Variants in PTPRN2 observed in about 807,000 individuals in gnomAD.
The protein encoded by PTPRN2 is receptor-type tyrosine-protein phosphatase N2.
In PTPRN2, 74 loss-of-function variants were observed where a neutral mutation model predicts 118.8. That is an observed-to-expected ratio of 0.62 (90% CI 0.52 to 0.76). The LOEUF (loss-of-function observed/expected upper bound fraction) is 0.76, where lower values mean the gene tolerates loss of function less well. Ranked by LOEUF, PTPRN2 falls within the 30% of genes least tolerant of loss-of-function variation. The pLI is 0.00. For missense variants in PTPRN2, 1,481 were observed against 1,394.4 expected, an observed-to-expected ratio of 1.06 and a Z score of -0.99; for synonymous variants, 641 against 608.0, an observed-to-expected ratio of 1.05 and a Z score of -0.80.
chr7:157,745,705 C>T (rs67544546), intron 12 of PTPRN2, among the ~76,000 whole-genome samples: 6,361 of 152,222 alleles, frequency 0.042, 180 homozygotes, highest in Non-Finnish European at 0.048. Flanking sequence ...GCTCCAGAAC[C>T]GTGTGGATAA....
chr7:158,522,239 A>C lies in PTPRN2; in HGVS notation c.113-32454T>G, dbSNP rs796068346. Among the ~76,000 whole-genome samples the C allele has an allele frequency of 2.6e-4, 15 of 58,434 alleles. No individual in the cohort carries two copies. In the East Asian group the frequency reaches 3.8e-3, roughly 15 times the overall value. 38.3% of individuals were successfully genotyped at this position (58,434 alleles called of 152,430 possible). A position where few individuals can be genotyped will look rare whatever the true frequency, so the allele number is the denominator to read the frequency against. On this transcript the variant is annotated intron_variant, in intron 1 of 22. Coordinates refer to ENST00000389418, the MANE Select transcript of PTPRN2 (RefSeq NM_002847.5). ...CTGTCCAGGTAGTGGCTCAGGAGGG[A>C]GGTCCACGTCACAATGGTGGACTGT...
chr7:158,439,682 C>T (rs1816841681), intron 2 of PTPRN2, among the ~76,000 whole-genome samples: 1 of 152,138 alleles, frequency 6.6e-6, no homozygotes, highest in Non-Finnish European at 1.5e-5. Flanking sequence ...ATAAAGATTG[C>T]ATATTAAATG....
chr7:158,066,299 A>C (rs932705574), intron 11 of PTPRN2, among the ~76,000 whole-genome samples: 1 of 152,214 alleles, frequency 6.6e-6, no homozygotes, highest in African/African-American at 2.4e-5. Context: ...CCTTCTCTGC[A>C]AACAGCCACC....
intron 14 of PTPRN2, among the ~76,000 whole-genome samples, chr7:157,654,395 C>A (rs1805929951): frequency 6.6e-6 from 1 of 152,158 alleles, no homozygotes; most frequent in Non-Finnish European, 1.5e-5. Flanking sequence ...GGAAATATCT[C>A]AGTAACATTC....
At chr7:158,164,566 G>A (rs1449222434) in intron 6 of PTPRN2, among the ~76,000 whole-genome samples, 1 of 150,882 alleles carries the variant, frequency 6.6e-6, no homozygotes, top group Non-Finnish European at 1.5e-5. Flanking sequence ...GGGAAGGCAC[G>A]CAGAGCAGGA....
intron 11 of PTPRN2, among the ~76,000 whole-genome samples, chr7:158,044,635 G>T (rs893915453): frequency 3.3e-5 from 5 of 151,938 alleles, no homozygotes; most frequent in African/African-American, 4.8e-5. Context: ...AGGACAGGCT[G>T]CAGGAGGCCA....
chr7:158,174,755 G>A (rs1462510773), intron 5 of PTPRN2, among the ~76,000 whole-genome samples: 1 of 152,214 alleles, frequency 6.6e-6, no homozygotes, highest in Non-Finnish European at 1.5e-5. Context: ...TTGGAAGAAT[G>A]TGATTCTCTT....
In PTPRN2 at chr7:157,627,112, G is replaced by A. The variant is rs964962912; in HGVS notation, c.2197-5603C>T. Among the ~76,000 whole-genome samples the A allele has an allele frequency of 6.6e-6, 1 of 152,174 alleles. No homozygotes were observed. Among genetic ancestry groups the A allele is most frequent in the African/African-American group, 2.4e-5 (1 of 41,430 alleles). On this transcript the variant is annotated intron_variant, in intron 14 of 22. Transcript: ENST00000389418. The surrounding 1 kb of genome is among the most constrained non-coding windows in gnomAD (Gnocchi z 4.2). ...TCATTCTCCACAGTCCAGGTCCCAG[G>A]TGGGGTGCTCCATCTCCCCTGGAGC...
Position 157,629,005 on chromosome 7 carries a change from G to A in PTPRN2, c.2197-7496C>T, listed in dbSNP as rs748650156. 5.3e-5 allele frequency among the ~76,000 whole-genome samples: 8 copies of A among 152,114 alleles called. No individual in the cohort carries two copies. Among genetic ancestry groups the A allele is most frequent in the Non-Finnish European group, 1.0e-4 (7 of 68,024 alleles). On this transcript the variant is annotated intron_variant, in intron 14 of 22. Coordinates refer to ENST00000389418, the MANE Select transcript of PTPRN2 (RefSeq NM_002847.5). This position sits in a 1 kb window ranked among gnomAD's most constrained non-coding sequence, Gnocchi z 4.4. ...GCTAGTTAACAAGGACAATTTCTCC[G>A]GTGGGAAGAGCACACCAGCATCCCG...
chr7:158,047,424 C>T (rs1480336449), intron 11 of PTPRN2, among the ~76,000 whole-genome samples: 2 of 152,256 alleles, frequency 1.3e-5, no homozygotes, highest in Non-Finnish European at 2.9e-5. Flanking sequence ...CACTGCACAC[C>T]TCAGGGAAGG....
At chr7:158,041,152 G>C (rs1808434593) in intron 11 of PTPRN2, among the ~76,000 whole-genome samples, 2 of 152,218 alleles carry the variant, frequency 1.3e-5, no homozygotes, top group African/African-American at 4.8e-5. Flanking sequence ...GGCACCACCA[G>C]GAAGAGCCAC....
intron 12 of PTPRN2, among the ~76,000 whole-genome samples, chr7:157,892,974 TG>T (rs1796888839): frequency 6.6e-6 from 1 of 152,246 alleles, no homozygotes; most frequent in African/African-American, 2.4e-5. Context: ...ACACAGATGC[TG>T]GGCTTGAGGG....
intron 12 of PTPRN2, among the ~76,000 whole-genome samples, chr7:157,742,962 A>G (rs2150965179): frequency 6.6e-6 from 1 of 152,346 alleles, no homozygotes; most frequent in Non-Finnish European, 1.5e-5. Context: ...TATTGCATGA[A>G]CGTGATGCAT....
chr7:157,788,157 C>T (rs143194758), intron 12 of PTPRN2, among the ~76,000 whole-genome samples: 6,537 of 152,132 alleles, frequency 0.043, 520 homozygotes, highest in African/African-American at 0.15. Flanking sequence ...GGGCGGATCA[C>T]GAGGTCAGGA....
Position 158,335,349 on chromosome 7 carries a change from C to A in PTPRN2, c.164-18417G>T, listed in dbSNP as rs1402771903. Among the ~76,000 whole-genome samples the A allele has an allele frequency of 2.8e-4, 5 of 17,662 alleles. 1 individual carries two copies. Among genetic ancestry groups the A allele is most frequent in the Admixed American group, 5.2e-4 (1 of 1,908 alleles). The allele number at this position is 17,662 out of a possible 152,430, so 11.6% of individuals were successfully genotyped here. On this transcript the variant is annotated intron_variant, in intron 2 of 22. Transcript: ENST00000389418. The stretch of plus-strand genomic sequence containing the variant: ...ATACTCTCACCATAAGAGGTGACAC[C>A]TGCAGATATCACTCACACCCATACT...
intron 21 of PTPRN2, among the ~76,000 whole-genome samples, chr7:157,549,896 T>C (rs143223176): frequency 8.5e-5 from 13 of 152,302 alleles, no homozygotes; most frequent in Non-Finnish European, 1.6e-4. Context: ...AGGCACTTCA[T>C]GTCACCTCTA....
chr7:157,648,761 C>T (rs564272871), intron 14 of PTPRN2, among the ~76,000 whole-genome samples: 2,876 of 142,404 alleles, frequency 0.02, 28 homozygotes, highest in Middle Eastern at 0.035. Flanking sequence ...GCACTGAACT[C>T]GGTGGGTCGG....
At position 158,022,355 on chromosome 7, in the gene PTPRN2, C is replaced by T. The variant is rs1446143006; in HGVS notation, c.1723+58943G>A. ...CTTCAGGTCATCCTTTAATGAGGGCCCAAGGAAGCACCCCCACTCTCCAGT... is the reference window on the plus strand; with the variant it reads ...CTTCAGGTCATCCTTTAATGAGGGCTCAAGGAAGCACCCCCACTCTCCAGT... On this transcript the variant is annotated intron_variant, in intron 11 of 22. Transcript: ENST00000389418. This position sits in a 1 kb window ranked among gnomAD's most constrained non-coding sequence, Gnocchi z 4.6. Among the ~76,000 whole-genome samples, 1 of 152,154 alleles carries T rather than the reference C, an allele frequency of 6.6e-6. No homozygotes were observed. Among genetic ancestry groups the T allele is most frequent in the Non-Finnish European group, 1.5e-5 (1 of 68,030 alleles).
intron 9 of PTPRN2, among the ~76,000 whole-genome samples, chr7:158,118,903 A>G (rs558997511): frequency 6.6e-6 from 1 of 152,222 alleles, no homozygotes; most frequent in South Asian, 2.1e-4. Context: ...GGGTTTTGCC[A>G]TGTTGCCCAG....
Sources: gnomAD v4.1 joint callset for allele counts (sites outside exome capture counted in the v4.1 genomes callset) on GRCh38, gnomAD v4.1.1 for gene constraint, Gnocchi (gnomAD v3.1) non-coding constraint, MANE v1.5 for transcripts, NCBI Gene and HGNC (gene_info 2026-07-23, HGNC 2026-07-21) for gene names.